The following ZFAT variants were observed in gnomAD, a reference collection of about 807,000 sequenced individuals.
ZFAT encodes zinc finger protein ZFAT.
In ZFAT, 64 loss-of-function variants were observed where a neutral mutation model predicts 117.7. The observed-to-expected ratio is 0.54, with a 90% CI of 0.44 to 0.67. The LOEUF (loss-of-function observed/expected upper bound fraction) is 0.67. Among genes scored for constraint, ZFAT ranks in the 30% least tolerant of loss-of-function variants. ZFAT has a pLI of 0.00. For synonymous variants in ZFAT, 679 were observed against 615.0 expected, an observed-to-expected ratio of 1.10 and a Z score of -1.54; for missense variants, 1,433 against 1,584.5, an observed-to-expected ratio of 0.90 and a Z score of 1.62.
At chr8:134,671,715 A>T (rs1376050238) in intron 1 of ZFAT, among the ~76,000 whole-genome samples, 1 of 152,234 alleles carries the variant, frequency 6.6e-6, no homozygotes, top group Non-Finnish European at 1.5e-5. Context: ...GCCCTCTCTC[A>T]CCACTGCTAT....
intron 12 of ZFAT, among the ~76,000 whole-genome samples, chr8:134,529,612 C>A (rs1821266787): frequency 6.6e-6 from 1 of 152,122 alleles, no homozygotes; most frequent in Non-Finnish European, 1.5e-5. Flanking sequence ...TCAGTACATC[C>A]AGACAGGCCC....
At chr8:134,609,779 C>T (rs1161992221) in intron 4 of ZFAT, among the ~76,000 whole-genome samples, 1 of 152,096 alleles carries the variant, frequency 6.6e-6, no homozygotes, top group Non-Finnish European at 1.5e-5. Flanking sequence ...AATATAGTGT[C>T]ACATATCCAC....
the ZFAT span, among the ~76,000 whole-genome samples, chr8:134,822,750 A>T: frequency 6.6e-6 from 1 of 152,260 alleles, no homozygotes; most frequent in East Asian, 1.9e-4. Flanking sequence ...CTACATGTGC[A>T]TATTTTCACA....
intron 12 of ZFAT, among the ~76,000 whole-genome samples, chr8:134,530,961 C>T (rs772950955): frequency 8.5e-5 from 13 of 152,214 alleles, no homozygotes; most frequent in East Asian, 1.9e-4. Flanking sequence ...TGGTTATCTG[C>T]GGAGGGTCCT....
intron 1 of ZFAT, among the ~76,000 whole-genome samples, chr8:134,709,588 CT>C (rs1230853203): frequency 2.6e-5 from 4 of 152,226 alleles, no homozygotes; most frequent in Non-Finnish European, 5.9e-5. Flanking sequence ...GGCTAAATCT[CT>C]TTTACGTAAT....
the ZFAT span, among the ~76,000 whole-genome samples, chr8:134,757,888 G>A: frequency 6.6e-6 from 1 of 152,160 alleles, no homozygotes; most frequent in Non-Finnish European, 1.5e-5. Flanking sequence ...ATTCAGATCG[G>A]CATTGTGGCT....
chr8:134,586,870 C>T (rs1826105175), intron 9 of ZFAT, among the ~76,000 whole-genome samples: 1 of 152,144 alleles, frequency 6.6e-6, no homozygotes, highest in Non-Finnish European at 1.5e-5. Flanking sequence ...GCTGTGTGAC[C>T]TGGGGCAAAT....
the ZFAT span, among the ~76,000 whole-genome samples, chr8:134,756,949 G>A: frequency 6.6e-6 from 1 of 151,484 alleles, no homozygotes; most frequent in African/African-American, 2.4e-5. Flanking sequence ...GTTGAGTACG[G>A]CCTCAATTAC....
chr8:134,789,922 G>A, the ZFAT span, among the ~76,000 whole-genome samples: 151 of 152,196 alleles, frequency 9.9e-4, no homozygotes, highest in Non-Finnish European at 1.6e-3. Context: ...TAAAGTCATC[G>A]CTTAAGTCTT....
chr8:134,732,361 T>C, the ZFAT span, among the ~76,000 whole-genome samples: 12 of 152,168 alleles, frequency 7.9e-5, no homozygotes, highest in Non-Finnish European at 1.6e-4. Context: ...TGCTGGATGA[T>C]GCAGGTTCTG....
At chr8:134,661,849 T>A (rs1831949653) in intron 1 of ZFAT, among the ~76,000 whole-genome samples, 1 of 152,036 alleles carries the variant, frequency 6.6e-6, no homozygotes, top group Non-Finnish European at 1.5e-5. Flanking sequence ...TGCAGATGCC[T>A]ACTAGGAGCA....
At chr8:134,732,144 T>A in the ZFAT span, among the ~76,000 whole-genome samples, 7 of 152,312 alleles carry the variant, frequency 4.6e-5, no homozygotes, top group Admixed American at 3.3e-4. Flanking sequence ...CCCCACACTA[T>A]GAAATATTAT....
At chr8:134,681,149 C>T (rs1405594315) in intron 1 of ZFAT, among the ~76,000 whole-genome samples, 2 of 152,182 alleles carry the variant, frequency 1.3e-5, no homozygotes, top group East Asian at 1.9e-4. Context: ...GAATGCAGCC[C>T]AGTGAATGTG....
At chr8:134,745,296 A>C in the ZFAT span, among the ~76,000 whole-genome samples, 1 of 152,178 alleles carries the variant, frequency 6.6e-6, no homozygotes, top group Non-Finnish European at 1.5e-5. Flanking sequence ...TGCAATGCCA[A>C]GCAGGATCCA....
intron 15 of ZFAT, among the ~76,000 whole-genome samples, chr8:134,503,726 A>G (rs543846540): frequency 6.6e-6 from 1 of 152,270 alleles, no homozygotes; most frequent in South Asian, 2.1e-4. Context: ...ACAGCCTTCA[A>G]GCCAGGACAC....
chr8:134,810,333 T>C, the ZFAT span, among the ~76,000 whole-genome samples: 4 of 152,348 alleles, frequency 2.6e-5, no homozygotes, highest in South Asian at 2.1e-4. Context: ...GTAAACCTCA[T>C]TGACAGAGAA....
chr8:134,556,009 T>TGGGAGGGAAGGA (rs1823574948), intron 11 of ZFAT, among the ~76,000 whole-genome samples: 1 of 37,882 alleles, frequency 2.6e-5, no homozygotes, highest in South Asian at 1.1e-3. Flanking sequence ...GGAGGGAAGG[T>TGGGAGGGAAGGA]GGGAGGGAAG....
intron 11 of ZFAT, among the ~76,000 whole-genome samples, chr8:134,559,611 C>G (rs143318272): frequency 1.4e-4 from 21 of 152,348 alleles, no homozygotes; most frequent in African/African-American, 5.0e-4. Context: ...CCAAACTGAC[C>G]TCCACAGGGT....
intron 2 of ZFAT, among the ~76,000 whole-genome samples, chr8:134,649,033 ATG>A (rs950626605): frequency 2.6e-5 from 4 of 152,076 alleles, no homozygotes; most frequent in Admixed American, 6.5e-5. Context: ...AAAAAACCAC[ATG>A]GTCATCTCAA....
Sources: allele counts gnomAD v4.1 joint callset (sites outside exome capture counted in the v4.1 genomes callset), GRCh38; gene constraint gnomAD v4.1.1; transcripts MANE v1.5; gene names NCBI Gene and HGNC (gene_info 2026-07-23, HGNC 2026-07-21).